The following ZNF536 variants were observed in gnomAD, a reference collection of about 807,000 sequenced individuals.
ZNF536 encodes zinc finger protein 536.
Under a neutral mutation model 84.5 loss-of-function variants are expected in ZNF536, and 13 were observed. That is an observed-to-expected ratio of 0.15 (90% CI 0.10 to 0.24). ZNF536 has a LOEUF of 0.24. ZNF536 is among the 10% of genes least tolerant of loss of function. ZNF536 has a pLI of 1.00. For missense variants in ZNF536, 1,536 were observed against 1,747.5 expected (o/e 0.88, Z 2.16); for synonymous variants, 811 against 742.5 (o/e 1.09, Z -1.50).
At chr19:30,651,832 G>A (rs2049720041) in intron 1 of ZNF536, among the ~76,000 whole-genome samples, 1 of 152,184 alleles carries the variant, frequency 6.6e-6, no homozygotes, top group South Asian at 2.1e-4. Context: ...GGCGATGAGG[G>A]CAGTGTCTAA....
intron 1 of ZNF536, among the ~76,000 whole-genome samples, chr19:30,697,833 G>A (rs1052961216): frequency 6.6e-5 from 10 of 152,178 alleles, no homozygotes; most frequent in South Asian, 2.1e-4. Flanking sequence ...AGAAGTTTTC[G>A]TGTCAACAGA....
intron 1 of ZNF536, among the ~76,000 whole-genome samples, chr19:30,232,170 C>T (rs1054406411): frequency 1.3e-5 from 2 of 152,114 alleles, no homozygotes; most frequent in African/African-American, 4.8e-5. Context: ...CTCCCCCGGC[C>T]AGTTGATGCC....
chr19:30,382,892 A>T (rs1454529799), intron 1 of ZNF536, among the ~76,000 whole-genome samples: 1 of 152,198 alleles, frequency 6.6e-6, no homozygotes, highest in Non-Finnish European at 1.5e-5. Context: ...TAAACCAGGG[A>T]GCTACTCTTC....
At chr19:30,385,968 A>T (rs535342168) in intron 1 of ZNF536, among the ~76,000 whole-genome samples, 15 of 152,226 alleles carry the variant, frequency 9.9e-5, no homozygotes, top group African/African-American at 2.9e-4. Context: ...GACATCAGGG[A>T]TCATGTGGCA....
At chr19:30,485,605 T>TC (rs1555780052) in intron 2 of ZNF536, among the ~76,000 whole-genome samples, 7 of 128,802 alleles carry the variant, frequency 5.4e-5, no homozygotes, top group Admixed American at 1.7e-4. Context: ...TTTTTCTTCT[T>TC]TTTTTTTTTG....
chr19:30,698,710 G>A (rs1568683014), intron 1 of ZNF536, among the ~76,000 whole-genome samples: 3 of 152,180 alleles, frequency 2.0e-5, no homozygotes, highest in South Asian at 4.1e-4. Context: ...AAGGGCACCT[G>A]CTGTCAGCCT....
chr19:30,584,911 C>T (rs1388726727), intron 1 of ZNF536, among the ~76,000 whole-genome samples: 5 of 152,086 alleles, frequency 3.3e-5, no homozygotes, highest in Admixed American at 1.3e-4. Context: ...GCCTAGGAAA[C>T]ATAGCCAGAC....
chr19:30,379,202 T>G (rs2048927582), intron 1 of ZNF536, among the ~76,000 whole-genome samples: 1 of 152,174 alleles, frequency 6.6e-6, no homozygotes, highest in Admixed American at 6.5e-5. Flanking sequence ...CGTGGGAAGG[T>G]TTGAGTAAGG....
At chr19:30,418,179 A>G in intron 1 of ZNF536, among the ~76,000 whole-genome samples, 1 of 151,738 alleles carries the variant, frequency 6.6e-6, no homozygotes. Flanking sequence ...GATCATGTAG[A>G]TTTGTTCCCT....
intron 1 of ZNF536, among the ~76,000 whole-genome samples, chr19:30,387,166 C>G (rs1941604448): frequency 6.6e-6 from 1 of 152,172 alleles, no homozygotes; most frequent in Admixed American, 6.5e-5. Flanking sequence ...CTCCAATGTC[C>G]CTTGGCTAGA....
chr19:30,549,251 C>T lies in ZNF536; in HGVS notation c.3632C>T (p.Pro1211Leu), dbSNP rs1241030277. The T allele has an allele frequency of 6.2e-7, 1 of 1,613,962 alleles. No individual in the cohort carries two copies. Among genetic ancestry groups the T allele is most frequent in the Admixed American group, 1.7e-5 (1 of 60,032 alleles). Residue 1211 changes from proline to leucine, a missense_variant, in exon 4 of 5, where the codon CCC becomes CTC. Pro to Leu is a moderately conservative substitution (Grantham distance 98). Coordinates refer to ENST00000355537, the MANE Select transcript of ZNF536 (RefSeq NM_014717.3). Reference sequence around the variant, plus strand: ...AGCGATGGCGGGGACAGCCTGCAGCCCACAGGCACCTCCCAGCCCGTCCAG... The same window carrying T: ...AGCGATGGCGGGGACAGCCTGCAGCTCACAGGCACCTCCCAGCCCGTCCAG... ...SSSDGGDSLQ[P>L]TGTSQPVQGL...
intron 1 of ZNF536, among the ~76,000 whole-genome samples, chr19:30,391,802 T>C (rs759722298): frequency 6.6e-6 from 1 of 152,178 alleles, no homozygotes; most frequent in Non-Finnish European, 1.5e-5. Flanking sequence ...CTTGTTCTGA[T>C]TGTAACTCCC....
chr19:30,338,477 A>ATAG (rs1180902153), intron 2 of ZNF536, among the ~76,000 whole-genome samples: 2 of 133,120 alleles, frequency 1.5e-5, no homozygotes, highest in African/African-American at 3.1e-5. Context: ...GATGACAATG[A>ATAG]TGATAGTGAT....
At chr19:30,622,919 C>T (rs1338685996) in intron 1 of ZNF536, among the ~76,000 whole-genome samples, 4 of 151,804 alleles carry the variant, frequency 2.6e-5, no homozygotes, top group African/African-American at 9.7e-5. Flanking sequence ...CCTGCCCCAT[C>T]TTGGACCCAG....
chr19:30,606,511 C>T (rs888845015), intron 1 of ZNF536, among the ~76,000 whole-genome samples: 1 of 152,056 alleles, frequency 6.6e-6, no homozygotes, highest in Non-Finnish European at 1.5e-5. Flanking sequence ...TGGTGCTGAG[C>T]CACCTGAAGT....
chr19:30,477,772 G>T (rs1342462074), intron 2 of ZNF536, among the ~76,000 whole-genome samples: 1 of 152,152 alleles, frequency 6.6e-6, no homozygotes, highest in African/African-American at 2.4e-5. Context: ...AAGGACTTAA[G>T]TGAAGTGGAG....
chr19:30,622,861 C>A (rs1199767617), intron 1 of ZNF536, among the ~76,000 whole-genome samples: 1 of 152,038 alleles, frequency 6.6e-6, no homozygotes, highest in Admixed American at 6.5e-5. Context: ...CCAAATACCT[C>A]ACTTCCCTGA....
chr19:30,232,392 T>C (rs1568509196), intron 1 of ZNF536, among the ~76,000 whole-genome samples: 1 of 151,876 alleles, frequency 6.6e-6, no homozygotes, highest in African/African-American at 2.4e-5. Context: ...ACCCAGGTAG[T>C]GAGCATGGCA....
intron 2 of ZNF536, among the ~76,000 whole-genome samples, chr19:30,309,701 A>C (rs2046441055): frequency 6.6e-6 from 1 of 152,208 alleles, no homozygotes; most frequent in Non-Finnish European, 1.5e-5. Context: ...CCTCATGACA[A>C]AGTACAATAG....
Sources: gnomAD v4.1 joint callset for allele counts (sites outside exome capture counted in the v4.1 genomes callset) on GRCh38, gnomAD v4.1.1 for gene constraint, MANE v1.5 for transcripts, NCBI Gene and HGNC (gene_info 2026-07-23, HGNC 2026-07-21) for gene names.